The following DMD variants were observed in gnomAD, a reference collection of about 807,000 sequenced individuals.
DMD encodes mutant dystrophin.
DMD carries 63 observed loss-of-function variants against 330.1 expected under a neutral mutation model. That is an observed-to-expected ratio of 0.19 (90% CI 0.16 to 0.24). DMD has a LOEUF of 0.24. DMD is among the 10% of genes least tolerant of loss of function. The pLI is 1.00. For synonymous variants in DMD, 1,223 were observed against 959.8 expected, an observed-to-expected ratio of 1.27 and a Z score of -5.07; for missense variants, 3,344 against 2,684.1, an observed-to-expected ratio of 1.25 and a Z score of -5.43.
intron 2 of DMD, among the ~76,000 whole-genome samples, chrX:32,855,228 G>T (rs2081451996): frequency 8.9e-6 from 1 of 111,795 alleles, no homozygotes; most frequent in Non-Finnish European, 1.9e-5. Context: ...ATACTGAATG[G>T]GGAAAAACTA....
intron 1 of DMD, among the ~76,000 whole-genome samples, chrX:33,281,002 C>T (rs980868364): frequency 1.8e-5 from 2 of 111,700 alleles, no homozygotes; most frequent in South Asian, 3.7e-4. Context: ...TAAGAATTGT[C>T]TTAAAAATAG....
intron 62 of DMD, among the ~76,000 whole-genome samples, chrX:31,284,857 CACACA>C (rs2053066233): frequency 9.3e-6 from 1 of 107,651 alleles, no homozygotes; most frequent in East Asian, 2.9e-4. Flanking sequence ...CACACACACA[CACACA>C]CCCACACCCA....
At chrX:31,971,140 A>G (rs1049943078) in intron 44 of DMD, among the ~76,000 whole-genome samples, 5 of 112,143 alleles carry the variant, frequency 4.5e-5, no homozygotes, top group Non-Finnish European at 9.4e-5. Context: ...AAAAAATGCC[A>G]ATACTGCTGG....
intron 44 of DMD, among the ~76,000 whole-genome samples, chrX:32,040,038 T>A (rs1443331221): frequency 8.9e-6 from 1 of 112,090 alleles, no homozygotes; most frequent in Non-Finnish European, 1.9e-5. Context: ...TAGACACAAC[T>A]TACACATCAC....
chrX:31,843,877 C>CGGA (rs1260119820), intron 48 of DMD, among the ~76,000 whole-genome samples: 5 of 58,140 alleles, frequency 8.6e-5, no homozygotes, highest in Non-Finnish European at 1.2e-4. Flanking sequence ...TATTTAGGGA[C>CGGA]GGAGTCTCGC....
chrX:32,397,560 G>A (rs1483584415), intron 30 of DMD, among the ~76,000 whole-genome samples: 1 of 111,903 alleles, frequency 8.9e-6, no homozygotes, highest in South Asian at 3.7e-4. Context: ...AGGCATTTGA[G>A]CATGCAGTAA....
chrX:32,890,873 C>A (rs908206465), intron 2 of DMD, among the ~76,000 whole-genome samples: 6 of 111,704 alleles, frequency 5.4e-5, no homozygotes, highest in Non-Finnish European at 1.9e-5. Context: ...CTTCCATTAA[C>A]CATAACTTCA....
At chrX:32,302,498 T>C (rs772265755) in intron 42 of DMD, among the ~76,000 whole-genome samples, 1 of 111,646 alleles carries the variant, frequency 9.0e-6, no homozygotes, top group Non-Finnish European at 1.9e-5. Context: ...TTAGCTTGTA[T>C]GTATTCTCTT....
chrX:32,893,447 A>G, intron 2 of DMD, among the ~76,000 whole-genome samples: 1 of 86,088 alleles, frequency 1.2e-5, no homozygotes, highest in Middle Eastern at 6.0e-3. Context: ...GTTTGCAAAC[A>G]TGTTTACAAG....
chrX:32,417,824 C>T (rs931995221), intron 29 of DMD, among the ~76,000 whole-genome samples: 5 of 105,110 alleles, frequency 4.8e-5, no homozygotes, highest in African/African-American at 1.8e-4. Flanking sequence ...ATCTCTGTTA[C>T]ACACACACAC....
chrX:32,995,756 T>C (rs1347593874), intron 2 of DMD, among the ~76,000 whole-genome samples: 1 of 111,842 alleles, frequency 8.9e-6, no homozygotes, highest in African/African-American at 3.3e-5. Flanking sequence ...TTACGTACCA[T>C]ATAGTAAACT....
At chrX:31,711,132 A>G (rs746604527) in intron 52 of DMD, among the ~76,000 whole-genome samples, 1 of 110,747 alleles carries the variant, frequency 9.0e-6, no homozygotes, top group African/African-American at 3.3e-5. Context: ...TCATGTCTTT[A>G]TAAAGTTCCT....
chrX:31,625,481 A>C (rs16989738), intron 55 of DMD, among the ~76,000 whole-genome samples: 3,640 of 111,984 alleles, frequency 0.033, 146 homozygotes, highest in African/African-American at 0.11. Context: ...ACTGGACTTT[A>C]TGTGAGCAAC....
intron 2 of DMD, among the ~76,000 whole-genome samples, chrX:32,993,170 C>CA (rs1231165873): frequency 9.0e-6 from 1 of 111,134 alleles, no homozygotes; most frequent in Non-Finnish European, 1.9e-5. Context: ...GTTTTTAAAC[C>CA]AAAAAACCTA....
At chrX:32,903,421 G>T (rs751368038) in intron 2 of DMD, among the ~76,000 whole-genome samples, 4 of 110,461 alleles carry the variant, frequency 3.6e-5, no homozygotes, top group Non-Finnish European at 7.6e-5. Context: ...ATTACAAAGG[G>T]CATTTTGTGC....
At chrX:32,424,611 G>A (rs1014150194) in intron 29 of DMD, among the ~76,000 whole-genome samples, 1 of 110,993 alleles carries the variant, frequency 9.0e-6, no homozygotes, top group African/African-American at 3.3e-5. Context: ...GCCCATGCTT[G>A]GTTTAATGCT....
At chrX:32,012,426 C>A (rs751058056) in intron 44 of DMD, among the ~76,000 whole-genome samples, 221 of 111,887 alleles carry the variant, frequency 2.0e-3, no homozygotes, top group Non-Finnish European at 3.5e-3. Flanking sequence ...GCCTCAGTCA[C>A]CCCCTAGGTG....
intron 16 of DMD, 136 bp downstream of exon 16, chrX:32,565,566 T>C (rs2051599484): frequency 1.7e-6 from 1 of 605,214 alleles, no homozygotes; most frequent in Non-Finnish European, 2.6e-6. Context: ...GGCAAAAGAA[T>C]CATGTTTTTA....
At chrX:32,343,380 CT>C (rs2097753982) in intron 39 of DMD, 94 bp from the exon 40 acceptor site, 1 of 811,875 alleles carries the variant, frequency 1.2e-6, no homozygotes, top group Non-Finnish European at 1.8e-6. Context: ...CGTCCCTCAT[CT>C]TTTTGTACAA....
Sources: allele counts gnomAD v4.1 joint callset (sites outside exome capture counted in the v4.1 genomes callset), GRCh38; gene constraint gnomAD v4.1.1; transcripts MANE v1.5; gene names NCBI Gene and HGNC (gene_info 2026-07-23, HGNC 2026-07-21).